NAA20: variants seen among roughly 807,000 people sequenced by gnomAD.
The protein encoded by NAA20 is N-alpha-acetyltransferase 20, NatB catalytic subunit.
NAA20 carries 24 observed loss-of-function variants against 23.8 expected under a neutral mutation model. That is an observed-to-expected ratio of 1.01 (90% CI 0.73 to 1.42). The LOEUF is 1.42. NAA20 is among the 40% of genes most tolerant of loss of function. NAA20 has a pLI of 0.00. For synonymous variants in NAA20, 83 were observed against 77.7 expected, an observed-to-expected ratio of 1.07 and a Z score of -0.36; for missense variants, 166 against 223.1, an observed-to-expected ratio of 0.74 and a Z score of 1.63.
At chr20:20,032,134 T>C (rs1907323080) in intron 4 of NAA20, among the ~76,000 whole-genome samples, 1 of 151,624 alleles carries the variant, frequency 6.6e-6, no homozygotes, top group South Asian at 2.1e-4. Context: ...ACTCTTACAA[T>C]GTTAGTCGAC....
intron 1 of NAA20, among the ~76,000 whole-genome samples, chr20:20,019,073 C>T (rs1409124727): frequency 1.3e-5 from 2 of 152,216 alleles, no homozygotes; most frequent in Admixed American, 6.5e-5. Flanking sequence ...CATCTCATCC[C>T]ATAGTCCTTT....
chr20:20,025,746 G>C lies in NAA20; in HGVS notation c.148G>C (p.Gly50Arg). The change falls in exon 3 of 6, where the codon GGT becomes CGT. Residue 50 changes from glycine (G) to arginine (R), a missense_variant. Coordinates refer to ENST00000334982, the MANE Select transcript of NAA20 (RefSeq NM_016100.5). Reference sequence around the variant, plus strand: ...GTATTTCATTGTTGCAGAGGCACCTGGTGGAGAATTAATGGGTTATAGTAA... The same window carrying C: ...GTATTTCATTGTTGCAGAGGCACCTCGTGGAGAATTAATGGGTTATAGTAA... The part of the protein sequence containing the change: ...PEYFIVAEAP[G>R]GELMGYIMGK... The C allele has an allele frequency of 6.2e-7, 1 of 1,608,060 alleles. No individual in the cohort carries two copies. The highest frequency in any genetic ancestry group is 8.5e-7 in the Non-Finnish European group (1 of 1,174,562).
chr20:20,017,553 G>T (rs2043239956), intron 1 of NAA20, 104 bp downstream of exon 1: 1 of 1,437,672 alleles, frequency 7.0e-7, no homozygotes, highest in African/African-American at 1.5e-5. Context: ...CCCCAAGCCC[G>T]GACGGGGACC....
rs774244065 is a variant in NAA20, at chr20:20,017,367, C to A, written c.-30C>A. 15 of 1,610,108 alleles carry A rather than the reference C, an allele frequency of 9.3e-6. No homozygotes were observed. The South Asian group carries it at 1.5e-4, about 17-fold the overall frequency. On this transcript the variant is annotated 5_prime_UTR_variant, in exon 1 of 6. Transcript: ENST00000334982. ...CGGCAGGGCGGGCGCGGGGTCTTGG[C>A]GAACGGTCTTCGGAAGCGGCGGCGG...
intron 1 of NAA20, 95 bp from the exon 2 acceptor site, chr20:20,022,361 T>G (rs184209854): frequency 7.9e-7 from 1 of 1,267,424 alleles, no homozygotes; most frequent in East Asian, 2.4e-5. Flanking sequence ...ATGTTTTGTT[T>G]TCCTTGTGGC....
In NAA20 at chr20:20,033,005, G is replaced by T. The variant is rs191260448; in HGVS notation, c.452-97G>T. 3.5e-4 allele frequency: 333 copies of T among 943,506 alleles called. 1 individual carries two copies. The African/African-American group carries it at 4.5e-3, about 13-fold the overall frequency. The allele number at this position is 943,506 out of a possible 1,614,324, so 58.4% of individuals were successfully genotyped here. ...TTGCTTAGAATATGGTGAAGTGGGG[G>T]TAGGGATAAAACCTCTTATGGGAAC... is the stretch of plus-strand genomic sequence containing the variant. On this transcript the variant is annotated intron_variant, in intron 5 of 5. Transcript: ENST00000334982.
At chr20:20,019,709 C>G (rs766503040) in intron 1 of NAA20, among the ~76,000 whole-genome samples, 4 of 152,144 alleles carry the variant, frequency 2.6e-5, no homozygotes, top group African/African-American at 7.2e-5. Context: ...CTCAGCCTCC[C>G]GAGTAGTTGG....
intron 3 of NAA20, among the ~76,000 whole-genome samples, chr20:20,026,510 G>GT (rs1197982273): frequency 1.2e-4 from 15 of 126,606 alleles, no homozygotes; most frequent in Non-Finnish European, 1.7e-4. Context: ...TACATACTCT[G>GT]GTTTTTTTTT....
intron 2 of NAA20, among the ~76,000 whole-genome samples, chr20:20,023,775 G>A (rs2043288138): frequency 6.6e-6 from 1 of 152,248 alleles, no homozygotes; most frequent in Admixed American, 6.5e-5. Context: ...CATATTTTAT[G>A]TATCAGCCAA....
chr20:20,032,704 C>G, intron 5 of NAA20, 51 bp downstream of exon 5: 1 of 1,512,992 alleles, frequency 6.6e-7, no homozygotes, highest in Non-Finnish European at 8.8e-7. Context: ...CAGTTACATT[C>G]TTTCTACAGA....
intron 2 of NAA20, among the ~76,000 whole-genome samples, chr20:20,025,312 A>G (rs2043299544): frequency 1.3e-5 from 2 of 152,196 alleles, no homozygotes; most frequent in Admixed American, 1.3e-4. Context: ...GACAGAGGGA[A>G]CATGATATTC....
chr20:20,022,874 C>T (rs1473456076), intron 2 of NAA20, among the ~76,000 whole-genome samples: 2 of 152,184 alleles, frequency 1.3e-5, no homozygotes, highest in African/African-American at 2.4e-5. Context: ...CAGCCAGGCT[C>T]TTTGCAGTTT....
At position 20,023,056 on chromosome 20, in the gene NAA20, C is replaced by G. The variant is rs562216292; in HGVS notation, c.78+576C>G. Reference sequence around the variant, plus strand: ...CTCCCAGCACTTTGGGGGGCCAAGGCAGGCAGATCACGAGGTCAGGCGTTC... The same window carrying G: ...CTCCCAGCACTTTGGGGGGCCAAGGGAGGCAGATCACGAGGTCAGGCGTTC... On this transcript the variant is annotated intron_variant, in intron 2 of 5. Coordinates refer to ENST00000334982, the MANE Select transcript of NAA20 (RefSeq NM_016100.5). 5.9e-5 allele frequency among the ~76,000 whole-genome samples: 9 copies of G among 152,172 alleles called. No homozygotes were observed. In the South Asian group the frequency reaches 1.9e-3, roughly 32 times the overall value.
intron 2 of NAA20, among the ~76,000 whole-genome samples, chr20:20,024,566 G>A (rs1384701388): frequency 6.6e-6 from 1 of 152,166 alleles, no homozygotes; most frequent in African/African-American, 2.4e-5. Context: ...AGGATTTTAG[G>A]ATGCAAATCC....
At chr20:20,030,893 A>G (rs2146468916) in intron 4 of NAA20, among the ~76,000 whole-genome samples, 1 of 152,270 alleles carries the variant, frequency 6.6e-6, no homozygotes, top group Non-Finnish European at 1.5e-5. Context: ...AAAAGATGCC[A>G]TAGCATGAAA....
At chr20:20,029,942 G>C (rs1411159350) in intron 4 of NAA20, among the ~76,000 whole-genome samples, 1 of 152,070 alleles carries the variant, frequency 6.6e-6, no homozygotes, top group Non-Finnish European at 1.5e-5. Context: ...TTCTTAGCTT[G>C]AAGGCAGTAG....
chr20:20,026,642 C>A, intron 3 of NAA20, 142 bp from the exon 4 acceptor site: 1 of 827,976 alleles, frequency 1.2e-6, no homozygotes, highest in Non-Finnish European at 1.9e-6. Context: ...AAAGCACTAA[C>A]TGTTAGCTGG....
chr20:20,029,335 G>A (rs1164422180), intron 4 of NAA20, among the ~76,000 whole-genome samples: 1 of 152,136 alleles, frequency 6.6e-6, no homozygotes, highest in Non-Finnish European at 1.5e-5. Flanking sequence ...GAAGTAACAA[G>A]TCTGGGAGTG....
At chr20:20,027,691 G>A (rs919785891) in intron 4 of NAA20, among the ~76,000 whole-genome samples, 2 of 151,560 alleles carry the variant, frequency 1.3e-5, no homozygotes, top group African/African-American at 2.4e-5. Context: ...TTTGGTGGCT[G>A]TATGAGTTTG....
Sources: allele counts gnomAD v4.1 joint callset (sites outside exome capture counted in the v4.1 genomes callset), GRCh38; gene constraint gnomAD v4.1.1; transcripts MANE v1.5; gene names NCBI Gene and HGNC (gene_info 2026-07-23, HGNC 2026-07-21).